Variants in CUX2 observed in about 807,000 individuals in gnomAD.
CUX2 encodes the protein homeobox protein cut-like 2.
In CUX2, 40 loss-of-function variants were observed where a neutral mutation model predicts 144.8. That is an observed-to-expected ratio of 0.28 (90% CI 0.21 to 0.36). The LOEUF (loss-of-function observed/expected upper bound fraction) is 0.36, where lower values mean the gene tolerates loss of function less well. Ranked by LOEUF, CUX2 falls within the 10% of genes least tolerant of loss-of-function variation. The pLI is 1.00. For missense variants in CUX2, 1,615 were observed against 1,994.0 expected, an observed-to-expected ratio of 0.81 and a Z score of 3.62; for synonymous variants, 827 against 875.6, an observed-to-expected ratio of 0.94 and a Z score of 0.98.
chr12:111,257,864 TG>T (rs1883920692), intron 3 of CUX2, among the ~76,000 whole-genome samples: 1 of 152,138 alleles, frequency 6.6e-6, no homozygotes, highest in Non-Finnish European at 1.5e-5. Context: ...TCTGTCATTC[TG>T]GGCACTTTGC....
At chr12:111,290,037 T>C (rs575203650) in intron 4 of CUX2, among the ~76,000 whole-genome samples, 33 of 152,180 alleles carry the variant, frequency 2.2e-4, no homozygotes, top group Non-Finnish European at 1.5e-5. Flanking sequence ...GGTGGGAAGA[T>C]TGGCCTCAGA....
At chr12:111,091,299 C>T (rs1056439362) in intron 1 of CUX2, among the ~76,000 whole-genome samples, 23 of 152,168 alleles carry the variant, frequency 1.5e-4, no homozygotes, top group African/African-American at 5.1e-4. Context: ...AAGTCAGATC[C>T]GCAGCCCCAA....
intron 1 of CUX2, among the ~76,000 whole-genome samples, chr12:111,136,266 A>G (rs1875881549): frequency 6.6e-6 from 1 of 152,130 alleles, no homozygotes; most frequent in African/African-American, 2.4e-5. Context: ...AGATGGAGCC[A>G]ACAAGACTTG....
At position 111,162,905 on chromosome 12, in the gene CUX2, G is replaced by C. The variant is rs375987237; in HGVS notation, c.64-51295G>C. On this transcript the variant is annotated intron_variant, in intron 1 of 21. Coordinates refer to ENST00000261726, the MANE Select transcript of CUX2 (RefSeq NM_015267.4). ...TAATAAAAATACAAAACCTAGCCAG[G>C]CATGATGGCAGGTGCCTGTAATCCC... Among the ~76,000 whole-genome samples, 51 of 152,234 alleles carry C rather than the reference G, an allele frequency of 3.4e-4. 1 individual carries two copies. The highest frequency in any genetic ancestry group is 1.1e-3 in the African/African-American group (44 of 41,522).
chr12:111,207,545 T>C (rs749241334), intron 1 of CUX2, among the ~76,000 whole-genome samples: 3 of 152,144 alleles, frequency 2.0e-5, no homozygotes, highest in Non-Finnish European at 2.9e-5. Flanking sequence ...TGTTTGGATT[T>C]GGGGGGTTGG....
intron 1 of CUX2, among the ~76,000 whole-genome samples, chr12:111,065,486 T>C (rs557931335): frequency 8.5e-5 from 13 of 152,244 alleles, no homozygotes; most frequent in African/African-American, 2.9e-4. Flanking sequence ...CAGGTGCACA[T>C]CACCATGCCT....
intron 1 of CUX2, among the ~76,000 whole-genome samples, chr12:111,188,574 T>G (rs978625199): frequency 6.6e-6 from 1 of 151,674 alleles, no homozygotes; most frequent in Admixed American, 6.6e-5. Flanking sequence ...GAACAGCAGG[T>G]GCAAAGGTCC....
At chr12:111,158,573 G>A (rs1372512595) in intron 1 of CUX2, among the ~76,000 whole-genome samples, 5 of 152,034 alleles carry the variant, frequency 3.3e-5, no homozygotes, top group Admixed American at 3.3e-4. Context: ...GGAAGGGAAT[G>A]GGACTCTGGG....
chr12:111,205,192 C>T lies in CUX2; in HGVS notation c.64-9008C>T, dbSNP rs1378498177. Among the ~76,000 whole-genome samples, 7 of 152,218 alleles carry T rather than the reference C, an allele frequency of 4.6e-5. No homozygotes were observed. The East Asian group carries it at 1.4e-3, about 30-fold the overall frequency. The stretch of plus-strand genomic sequence containing the variant: ...TTATGGCAGGCCGGCGGGTGCCCTC[C>T]ATCCCGGGTCATCCCCCAGCCCCCT... On this transcript the variant is annotated intron_variant, in intron 1 of 21. Coordinates refer to ENST00000261726, the MANE Select transcript of CUX2 (RefSeq NM_015267.4).
chr12:111,065,402 C>T (rs1040878597), intron 1 of CUX2, among the ~76,000 whole-genome samples: 8 of 152,176 alleles, frequency 5.3e-5, no homozygotes, highest in African/African-American at 1.7e-4. Flanking sequence ...GGCACGATCT[C>T]GGCTCACTGC....
intron 1 of CUX2, among the ~76,000 whole-genome samples, chr12:111,091,211 G>C (rs558796733): frequency 6.6e-6 from 1 of 152,210 alleles, no homozygotes; most frequent in Admixed American, 6.5e-5. Flanking sequence ...CCAGGTGAGC[G>C]GGCACCATGG....
chr12:111,109,097 C>T (rs1203818028), intron 1 of CUX2, among the ~76,000 whole-genome samples: 1 of 152,190 alleles, frequency 6.6e-6, no homozygotes, highest in African/African-American at 2.4e-5. Flanking sequence ...TTTTCATCTG[C>T]TGGGTTTCAT....
chr12:111,160,101 G>A lies in CUX2; in HGVS notation c.64-54099G>A, dbSNP rs2136149662. Reference sequence around the variant, plus strand: ...TTCCTTCTTTCCTTCAATATTCATTGAGCTCCTGCTGGGTGCTGGGCGCTG... The same window carrying A: ...TTCCTTCTTTCCTTCAATATTCATTAAGCTCCTGCTGGGTGCTGGGCGCTG... On this transcript the variant is annotated intron_variant, in intron 1 of 21. Transcript: ENST00000261726. The surrounding 1 kb of genome is among the most constrained non-coding windows in gnomAD (Gnocchi z 4.1). Among the ~76,000 whole-genome samples the A allele has an allele frequency of 6.6e-6, 1 of 152,294 alleles. No homozygotes were observed. Among genetic ancestry groups the A allele is most frequent in the Admixed American group, 6.5e-5 (1 of 15,296 alleles).
intron 1 of CUX2, among the ~76,000 whole-genome samples, chr12:111,121,173 T>C (rs7136059): frequency 0.15 from 21,970 of 150,692 alleles, 5,456 homozygotes; most frequent in African/African-American, 0.51. Flanking sequence ...CATTCTTTAC[T>C]ATATTGATTT....
intron 1 of CUX2, among the ~76,000 whole-genome samples, chr12:111,157,643 G>A (rs565084223): frequency 5.9e-5 from 9 of 152,296 alleles, no homozygotes; most frequent in Admixed American, 4.6e-4. Context: ...CAAATTCATC[G>A]ATGGTTTGGA....
chr12:111,042,126 G>A (rs1490911450), intron 1 of CUX2, among the ~76,000 whole-genome samples: 13 of 152,364 alleles, frequency 8.5e-5, no homozygotes, highest in Admixed American at 2.6e-4. Context: ...TGAGCTGGTC[G>A]TCTGCCCAGA....
At chr12:111,069,446 A>T (rs996884803) in intron 1 of CUX2, among the ~76,000 whole-genome samples, 1 of 149,874 alleles carries the variant, frequency 6.7e-6, no homozygotes, top group African/African-American at 2.5e-5. Flanking sequence ...GGCCCAGCTT[A>T]AAGCATCACC....
chr12:111,319,400 TTCTTTG>T (rs1260935851), intron 16 of CUX2, among the ~76,000 whole-genome samples: 1 of 152,204 alleles, frequency 6.6e-6, no homozygotes, highest in African/African-American at 2.4e-5. Context: ...CCTTCGTGTT[TTCTTTG>T]TCTTTGAACA....
In CUX2 at chr12:111,287,658, C is replaced by T. The variant is rs757722852; in HGVS notation, c.302-3760C>T. On this transcript the variant is annotated intron_variant, in intron 4 of 21. Transcript: ENST00000261726. This position sits in a 1 kb window ranked among gnomAD's most constrained non-coding sequence, Gnocchi z 4.2. ...AGACATAATGGCATACCCTGCTGCG[C>T]AGGCCCTGCCTAATGACGGGGCGTG... Among the ~76,000 whole-genome samples, 1 of 152,266 alleles carries T rather than the reference C, an allele frequency of 6.6e-6. No individual in the cohort carries two copies. The highest frequency in any genetic ancestry group is 1.5e-5 in the Non-Finnish European group (1 of 68,048).
Sources: allele counts gnomAD v4.1 joint callset (sites outside exome capture counted in the v4.1 genomes callset), GRCh38; gene constraint gnomAD v4.1.1; non-coding constraint Gnocchi (gnomAD v3.1); transcripts MANE v1.5; gene names NCBI Gene and HGNC (gene_info 2026-07-23, HGNC 2026-07-21).